The following SHISA6 variants were observed in gnomAD, a reference collection of about 807,000 sequenced individuals.
SHISA6 encodes the protein shisa family member 6.
SHISA6 carries 22 observed loss-of-function variants against 47.9 expected under a neutral mutation model. The observed-to-expected ratio is 0.46, with a 90% CI of 0.33 to 0.66. The LOEUF (loss-of-function observed/expected upper bound fraction) is 0.66. Ranked by LOEUF, SHISA6 falls within the 30% of genes least tolerant of loss-of-function variation. SHISA6 has a pLI of 0.02. For missense variants in SHISA6, 680 were observed against 764.6 expected, an observed-to-expected ratio of 0.89 and a Z score of 1.30; for synonymous variants, 388 against 337.8, an observed-to-expected ratio of 1.15 and a Z score of -1.63.
At chr17:11,458,382 G>A (rs1915605155) in intron 3 of SHISA6, among the ~76,000 whole-genome samples, 1 of 152,116 alleles carries the variant, frequency 6.6e-6, no homozygotes. Context: ...CCCCTCCCCT[G>A]GGTGTGTTGT....
chr17:11,534,157 C>CTTTTT (rs373384700), intron 3 of SHISA6, among the ~76,000 whole-genome samples: 13 of 93,174 alleles, frequency 1.4e-4, no homozygotes, highest in South Asian at 4.0e-4. Context: ...TCTTTTTTTT[C>CTTTTT]TTTTTTTTTT....
chr17:11,477,745 G>T (rs1328143383), intron 3 of SHISA6, among the ~76,000 whole-genome samples: 1 of 150,306 alleles, frequency 6.7e-6, no homozygotes, highest in East Asian at 2.0e-4. Context: ...CAAAGGACAT[G>T]AACTCATCAT....
intron 3 of SHISA6, among the ~76,000 whole-genome samples, chr17:11,451,328 A>G (rs1012260213): frequency 6.6e-6 from 1 of 152,178 alleles, no homozygotes; most frequent in Non-Finnish European, 1.5e-5. Context: ...TCTTTGCCCT[A>G]TGGAGGAGGA....
At chr17:11,397,676 T>G (rs1234905886) in intron 3 of SHISA6, among the ~76,000 whole-genome samples, 1 of 140,610 alleles carries the variant, frequency 7.1e-6, no homozygotes, top group Non-Finnish European at 1.5e-5. Flanking sequence ...CTATGTTACT[T>G]TTTTTTTTTT....
chr17:11,308,240 C>T (rs1431803847), intron 2 of SHISA6, among the ~76,000 whole-genome samples: 1 of 152,202 alleles, frequency 6.6e-6, no homozygotes, highest in African/African-American at 2.4e-5. Context: ...AATTTCTGTT[C>T]AGGAAGATGG....
At position 11,285,993 on chromosome 17, in the gene SHISA6, C is replaced by T. The variant is rs146180212; in HGVS notation, c.799+22467C>T. On this transcript the variant is annotated intron_variant, in intron 2 of 5. Coordinates refer to ENST00000441885, the MANE Select transcript of SHISA6 (RefSeq NM_207386.4). ...CTGGGATTACAGGCACGTGCCACCA[C>T]GCCTGGCTAATATTTTGTATTTTTA... 1.9e-3 allele frequency among the ~76,000 whole-genome samples: 283 copies of T among 152,092 alleles called. 1 individual carries two copies. The highest frequency in any genetic ancestry group is 6.1e-3 in the African/African-American group (251 of 41,474).
In SHISA6 at chr17:11,461,062, A is replaced by G. The variant is rs199514068; in HGVS notation, c.895+81553A>G. Among the ~76,000 whole-genome samples the G allele has an allele frequency of 1.0e-3, 156 of 152,264 alleles. 1 individual carries two copies. Among genetic ancestry groups the G allele is most frequent in the African/African-American group, 3.7e-3 (153 of 41,548 alleles). On this transcript the variant is annotated intron_variant, in intron 3 of 5. Coordinates refer to ENST00000441885, the MANE Select transcript of SHISA6 (RefSeq NM_207386.4). ...AGTATGTACAAAGAGTGTGTGTTGA[A>G]TCTGTTAAAAATAAAAGTATTTATA...
At chr17:11,347,684 C>T (rs8072158) in intron 2 of SHISA6, among the ~76,000 whole-genome samples, 16,186 of 152,018 alleles carry the variant, frequency 0.11, 899 homozygotes, top group African/African-American at 0.13. Flanking sequence ...GAGCAGGTGA[C>T]GAAGAAAACA....
At chr17:11,552,128 A>G (rs998767149) in intron 4 of SHISA6, among the ~76,000 whole-genome samples, 176 bp downstream of exon 4, 13 of 152,164 alleles carry the variant, frequency 8.5e-5, no homozygotes, top group African/African-American at 3.1e-4. Flanking sequence ...TCTCACTTGT[A>G]GGCTATTTTC....
At chr17:11,523,804 G>A (rs1408358338) in intron 3 of SHISA6, among the ~76,000 whole-genome samples, 6 of 152,056 alleles carry the variant, frequency 3.9e-5, no homozygotes, top group African/African-American at 7.2e-5. Flanking sequence ...TCAGGAGTTC[G>A]AGACCAGCCT....
rs919316645 is a variant in SHISA6 at position 11,563,755 on chromosome 17, G to A, written c.*5451G>A. 16 of 152,282 alleles carry A rather than the reference G, an allele frequency of 1.1e-4. No homozygotes were observed. Among genetic ancestry groups the A allele is most frequent in the Non-Finnish European group, 2.1e-4 (14 of 68,022 alleles). The allele number at this position is 152,282 out of a possible 1,614,324, so 9.4% of individuals were successfully genotyped here. On this transcript the variant is annotated 3_prime_UTR_variant, in exon 6 of 6. Transcript: ENST00000441885. ...TTGGGGACACAATTTCCTAAGGGGGGATTAATGAACATTTTTATGCATTAG... is the reference window on the plus strand; with the variant it reads ...TTGGGGACACAATTTCCTAAGGGGGAATTAATGAACATTTTTATGCATTAG...
chr17:11,431,639 G>T (rs1034127953), intron 3 of SHISA6, among the ~76,000 whole-genome samples: 1 of 152,072 alleles, frequency 6.6e-6, no homozygotes, highest in African/African-American at 2.4e-5. Flanking sequence ...CCATGTTTCA[G>T]AAAACCCCAC....
rs552189794 is a variant in SHISA6, at chr17:11,449,168, G to A, written c.895+69659G>A. ...TAGAAATTGAGGCTTGGGGCTGGGCGTGGTGGCTCATGCCTGTAATCCTAG... is the reference window on the plus strand; with the variant it reads ...TAGAAATTGAGGCTTGGGGCTGGGCATGGTGGCTCATGCCTGTAATCCTAG... On this transcript the variant is annotated intron_variant, in intron 3 of 5. Coordinates refer to ENST00000441885, the MANE Select transcript of SHISA6 (RefSeq NM_207386.4). Among the ~76,000 whole-genome samples, 345 of 152,272 alleles carry A rather than the reference G, an allele frequency of 2.3e-3. 2 individuals carry two copies. The highest frequency in any genetic ancestry group is 1.7e-3 in the South Asian group (8 of 4,828).
At chr17:11,351,881 C>CTATA (rs1429751170) in intron 2 of SHISA6, among the ~76,000 whole-genome samples, 1 of 152,130 alleles carries the variant, frequency 6.6e-6, no homozygotes, top group East Asian at 1.9e-4. Context: ...CAATGATGAC[C>CTATA]TATAGGTTTT....
chr17:11,496,505 T>C (rs1030113428), intron 3 of SHISA6, among the ~76,000 whole-genome samples: 3 of 152,128 alleles, frequency 2.0e-5, no homozygotes, highest in Non-Finnish European at 2.9e-5. Flanking sequence ...TTTGGGAGGC[T>C]GAGGCGGGTG....
intron 2 of SHISA6, among the ~76,000 whole-genome samples, chr17:11,352,759 G>A (rs1333191233): frequency 6.6e-6 from 1 of 152,188 alleles, no homozygotes; most frequent in Non-Finnish European, 1.5e-5. Context: ...GGCTGATGTA[G>A]GTCAAACAGT....
intron 2 of SHISA6, among the ~76,000 whole-genome samples, chr17:11,303,870 C>T (rs1408474991): frequency 6.6e-6 from 1 of 152,186 alleles, no homozygotes; most frequent in African/African-American, 2.4e-5. Flanking sequence ...TCTGTGTTTC[C>T]TCCAGTTGTG....
At chr17:11,341,053 G>A (rs1455086916) in intron 2 of SHISA6, among the ~76,000 whole-genome samples, 1 of 152,126 alleles carries the variant, frequency 6.6e-6, no homozygotes, top group African/African-American at 2.4e-5. Context: ...ACGAATGTTG[G>A]CACCAATCCT....
chr17:11,497,953 G>A (rs939098419), intron 3 of SHISA6, among the ~76,000 whole-genome samples: 1 of 152,176 alleles, frequency 6.6e-6, no homozygotes, highest in African/African-American at 2.4e-5. Flanking sequence ...TTGAGAGCAG[G>A]TATTGGGTTC....
Sources: allele counts gnomAD v4.1 joint callset (sites outside exome capture counted in the v4.1 genomes callset), GRCh38; gene constraint gnomAD v4.1.1; transcripts MANE v1.5; gene names NCBI Gene and HGNC (gene_info 2026-07-23, HGNC 2026-07-21).